Variants in ZFYVE28 observed in about 807,000 individuals in gnomAD.
ZFYVE28 encodes the protein lateral signaling target protein 2 homolog.
A neutral mutation model predicts 82.1 loss-of-function variants in ZFYVE28; 40 were observed. That is an observed-to-expected ratio of 0.49 (90% CI 0.38 to 0.63). The LOEUF is 0.63. ZFYVE28 is among the 30% of genes least tolerant of loss of function. ZFYVE28 has a pLI of 0.00. For missense variants in ZFYVE28, 1,321 were observed against 1,242.1 expected (o/e 1.06, Z -0.96); for synonymous variants, 612 against 546.1 (o/e 1.12, Z -1.68).
At chr4:2,404,309 CAAAAAAAA>C (rs55924862) in intron 1 of ZFYVE28, among the ~76,000 whole-genome samples, 3 of 66,530 alleles carry the variant, frequency 4.5e-5, no homozygotes, top group African/African-American at 1.2e-4. Flanking sequence ...GACTCCGCCT[CAAAAAAAA>C]AAAAAAAAAA....
chr4:2,404,857 C>CTTTCTT (rs1553867205), intron 1 of ZFYVE28, among the ~76,000 whole-genome samples: 2 of 110,998 alleles, frequency 1.8e-5, no homozygotes, highest in Non-Finnish European at 3.4e-5. Context: ...CAGTCTCGCT[C>CTTTCTT]TTTTTTTTTT....
intron 2 of ZFYVE28, among the ~76,000 whole-genome samples, chr4:2,344,960 C>G (rs1047621991): frequency 1.3e-5 from 2 of 151,868 alleles, no homozygotes; most frequent in Admixed American, 6.6e-5. Flanking sequence ...GCCTGTAATC[C>G]CAGCACTTGG....
chr4:2,321,608 G>A (rs920135267), intron 6 of ZFYVE28, among the ~76,000 whole-genome samples: 1 of 152,002 alleles, frequency 6.6e-6, no homozygotes, highest in Admixed American at 6.6e-5. Flanking sequence ...GTATTCAGGG[G>A]ACAATTACCC....
intron 2 of ZFYVE28, among the ~76,000 whole-genome samples, chr4:2,352,090 G>A (rs1247665823): frequency 3.3e-5 from 5 of 152,130 alleles, no homozygotes; most frequent in African/African-American, 1.2e-4. Flanking sequence ...TGTGTCCTGA[G>A]AATACTGTAT....
At chr4:2,304,146 A>G in intron 8 of ZFYVE28, 143 bp downstream of exon 8, 1 of 1,077,890 alleles carries the variant, frequency 9.3e-7, no homozygotes, top group Non-Finnish European at 1.3e-6. Flanking sequence ...TCACACACAG[A>G]CCCCACACTC....
At chr4:2,280,443 G>C (rs1711807207) in intron 8 of ZFYVE28, among the ~76,000 whole-genome samples, 1 of 152,176 alleles carries the variant, frequency 6.6e-6, no homozygotes, top group Non-Finnish European at 1.5e-5. Flanking sequence ...AGGAGTTCAA[G>C]GGTACAGTGA....
chr4:2,364,232 G>A lies in ZFYVE28; in HGVS notation c.40-10159C>T, dbSNP rs1010539795. ...GCCTGCACATCAACTCTGCCCACCCGGCCTGGCTGCAGACCAGGGCTCGGT... is the reference window on the plus strand; with the variant it reads ...GCCTGCACATCAACTCTGCCCACCCAGCCTGGCTGCAGACCAGGGCTCGGT... On this transcript the variant is annotated intron_variant, in intron 1 of 12. Transcript: ENST00000290974. 4.6e-5 allele frequency among the ~76,000 whole-genome samples: 7 copies of A among 152,266 alleles called. No individual in the cohort carries two copies. In the East Asian group the frequency reaches 9.7e-4, roughly 21 times the overall value.
chr4:2,363,035 C>T (rs1380152422), intron 1 of ZFYVE28, among the ~76,000 whole-genome samples: 1 of 152,152 alleles, frequency 6.6e-6, no homozygotes, highest in Admixed American at 6.5e-5. Context: ...GTGAGTGTCC[C>T]CAGCACAGCC....
At chr4:2,333,869 A>G (rs1299173379) in intron 6 of ZFYVE28, among the ~76,000 whole-genome samples, 1 of 152,202 alleles carries the variant, frequency 6.6e-6, no homozygotes, top group Non-Finnish European at 1.5e-5. Flanking sequence ...ATTTTCTTCA[A>G]GTGAGTTTGG....
At chr4:2,363,492 G>GT (rs1726440322) in intron 1 of ZFYVE28, among the ~76,000 whole-genome samples, 1 of 82,398 alleles carries the variant, frequency 1.2e-5, no homozygotes, top group Non-Finnish European at 2.9e-5. Context: ...GTCCCTGAGG[G>GT]CTCTAACCTG....
intron 1 of ZFYVE28, among the ~76,000 whole-genome samples, chr4:2,355,689 T>A (rs1174234171): frequency 1.3e-5 from 2 of 152,174 alleles, no homozygotes; most frequent in African/African-American, 4.8e-5. Context: ...GAGATCCTCC[T>A]GCCTCAGCCT....
intron 3 of ZFYVE28, among the ~76,000 whole-genome samples, chr4:2,340,419 T>A (rs1228516350): frequency 1.3e-5 from 2 of 151,970 alleles, no homozygotes; most frequent in African/African-American, 4.8e-5. Context: ...GGGAGGCTTG[T>A]CTAGAGGCCG....
rs1732333885 is a variant in ZFYVE28, at chr4:2,409,889, G to A, written c.39+8396C>T. Among the ~76,000 whole-genome samples the A allele has an allele frequency of 6.6e-6, 1 of 152,264 alleles. No individual in the cohort carries two copies. The highest frequency in any genetic ancestry group is 6.5e-5 in the Admixed American group (1 of 15,288). ...GCTGGGACTTGAGGATCCATCTTCA[G>A]AGACCAGGAAGATGCCCCCGCCAGG... On this transcript the variant is annotated intron_variant, in intron 1 of 12. Transcript: ENST00000290974. This position sits in a 1 kb window ranked among gnomAD's most constrained non-coding sequence, Gnocchi z 4.4.
chr4:2,410,718 A>C (rs895658425), intron 1 of ZFYVE28, among the ~76,000 whole-genome samples: 1 of 151,838 alleles, frequency 6.6e-6, no homozygotes, highest in Non-Finnish European at 1.5e-5. Context: ...GATGGTCTCA[A>C]TCTCCTGACC....
At chr4:2,371,882 G>A (rs1050315893) in intron 1 of ZFYVE28, among the ~76,000 whole-genome samples, 33 of 151,990 alleles carry the variant, frequency 2.2e-4, no homozygotes, top group Admixed American at 1.6e-3. Flanking sequence ...CGGCCTCGGC[G>A]GCAACAGGAT....
At chr4:2,275,332 C>A (rs1460062087) in intron 8 of ZFYVE28, among the ~76,000 whole-genome samples, 1 of 152,204 alleles carries the variant, frequency 6.6e-6, no homozygotes, top group Admixed American at 6.5e-5. Flanking sequence ...TAGGGGTGCA[C>A]CCACTGGCCC....
chr4:2,308,683 G>GAAAGAAAGAAAGAAAGAGAAAGA (rs1553830773), intron 7 of ZFYVE28, among the ~76,000 whole-genome samples: 1 of 81,442 alleles, frequency 1.2e-5, no homozygotes, highest in African/African-American at 5.0e-5. Context: ...GAAAGAGAAA[G>GAAAGAAAGAAAGAAAGAGAAAGA]AAAGAAAAGA....
chr4:2,395,966 TC>T (rs1730402360), intron 1 of ZFYVE28, among the ~76,000 whole-genome samples: 1 of 152,216 alleles, frequency 6.6e-6, no homozygotes, highest in Non-Finnish European at 1.5e-5. Context: ...ATTGCCTGTG[TC>T]CCCTGGGGGT....
chr4:2,411,601 G>A (rs1319164614), intron 1 of ZFYVE28, among the ~76,000 whole-genome samples: 1 of 152,182 alleles, frequency 6.6e-6, no homozygotes, highest in African/African-American at 2.4e-5. Context: ...GACGCATACG[G>A]GTGCCAGCTC....
Sources: allele counts gnomAD v4.1 joint callset (sites outside exome capture counted in the v4.1 genomes callset), GRCh38; gene constraint gnomAD v4.1.1; non-coding constraint Gnocchi (gnomAD v3.1); transcripts MANE v1.5; gene names NCBI Gene and HGNC (gene_info 2026-07-23, HGNC 2026-07-21).